Variants in GLP2R observed in about 807,000 individuals in gnomAD.
GLP2R encodes the protein glucagon-like peptide 2 receptor.
GLP2R carries 59 observed loss-of-function variants against 68.2 expected under a neutral mutation model. The ratio of observed to expected loss-of-function variants is 0.87; its 90% CI spans 0.70 to 1.07. GLP2R has a LOEUF of 1.07. GLP2R is among the 50% of genes least tolerant of loss of function. The pLI is 0.00. For synonymous variants in GLP2R, 270 were observed against 265.4 expected, an observed-to-expected ratio of 1.02 and a Z score of -0.17; for missense variants, 548 against 677.4, an observed-to-expected ratio of 0.81 and a Z score of 2.12.
chr17:9,847,530 A>G (rs1339175122), intron 4 of GLP2R, among the ~76,000 whole-genome samples: 1 of 152,078 alleles, frequency 6.6e-6, no homozygotes, highest in Non-Finnish European at 1.5e-5. Context: ...AGCCTCCCAA[A>G]GTGCTGGGAT....
chr17:9,832,408 A>G (rs1481570674), intron 1 of GLP2R, among the ~76,000 whole-genome samples: 1 of 152,142 alleles, frequency 6.6e-6, no homozygotes, highest in Non-Finnish European at 1.5e-5. Context: ...CCCTGTCTCT[A>G]CTAAAAATAC....
chr17:9,872,132 A>G (rs2067100514), intron 10 of GLP2R, among the ~76,000 whole-genome samples: 1 of 152,274 alleles, frequency 6.6e-6, no homozygotes, highest in African/African-American at 2.4e-5. Flanking sequence ...ACAGGAAGGC[A>G]GAAGAGGTGG....
intron 9 of GLP2R, among the ~76,000 whole-genome samples, chr17:9,864,493 T>A (rs572915771): frequency 9.8e-5 from 9 of 92,078 alleles, no homozygotes; most frequent in Non-Finnish European, 2.8e-4. Flanking sequence ...TTTTTTTGTT[T>A]GTTTGTTTGT....
intron 12 of GLP2R, among the ~76,000 whole-genome samples, chr17:9,888,530 G>A (rs1442789320): frequency 1.3e-5 from 2 of 152,178 alleles, no homozygotes; most frequent in Non-Finnish European, 2.9e-5. Context: ...GCAGTGGCAT[G>A]ATACCAGCTC....
At chr17:9,861,897 G>T (rs1009186137) in intron 8 of GLP2R, 124 bp from the exon 9 acceptor site, 1 of 742,948 alleles carries the variant, frequency 1.3e-6, no homozygotes, top group Non-Finnish European at 2.5e-6. Flanking sequence ...ACCCCTCAGG[G>T]GACTGATTGG....
At chr17:9,836,312 A>G (rs1597377113) in intron 2 of GLP2R, 59 bp from the exon 3 acceptor site, 1 of 1,148,656 alleles carries the variant, frequency 8.7e-7, no homozygotes, top group Non-Finnish European at 1.3e-6. Context: ...CTCTGCCTCC[A>G]TCAGTGGCAT....
At chr17:9,880,802 CT>C (rs1402711773) in intron 11 of GLP2R, among the ~76,000 whole-genome samples, 5 of 152,068 alleles carry the variant, frequency 3.3e-5, no homozygotes, top group Non-Finnish European at 5.9e-5. Context: ...AATGTGAAGC[CT>C]TTTATTAAGT....
At chr17:9,832,883 G>GA (rs2066693204) in intron 1 of GLP2R, among the ~76,000 whole-genome samples, 1 of 152,134 alleles carries the variant, frequency 6.6e-6, no homozygotes, top group Non-Finnish European at 1.5e-5. Flanking sequence ...CGTTAGAAAG[G>GA]AAAAAACTCC....
rs780388943 is a variant in GLP2R, at chr17:9,889,623, G to A, written c.1580G>A (p.Gly527Asp). ...PQQDHARWPR[G>D]SSLSECSEGD... is the part of the protein sequence containing the mutation. Reference sequence around the variant, plus strand: ...CAGGACCATGCACGCTGGCCCCGGGGCAGCAGCCTGTCCGAGTGCAGTGAG... The same window carrying A: ...CAGGACCATGCACGCTGGCCCCGGGACAGCAGCCTGTCCGAGTGCAGTGAG... The change falls in exon 13 of 13, where the codon GGC becomes GAC. Residue 527 changes from glycine to aspartate, a missense_variant. Physicochemically the swap from Gly to Asp is moderately conservative, Grantham distance 94. Coordinates refer to ENST00000262441, the MANE Select transcript of GLP2R (RefSeq NM_004246.3). 8 of 1,613,190 alleles carry A rather than the reference G, an allele frequency of 5.0e-6. No homozygotes were observed. The Admixed American group carries it at 8.3e-5, about 17-fold the overall frequency.
intron 1 of GLP2R, among the ~76,000 whole-genome samples, chr17:9,830,456 G>A (rs1481428169): frequency 2.0e-5 from 3 of 152,168 alleles, no homozygotes; most frequent in Admixed American, 1.3e-4. Flanking sequence ...TAAACAATAT[G>A]TTAATAACTT....
intron 9 of GLP2R, among the ~76,000 whole-genome samples, chr17:9,868,760 G>C (rs1348700513): frequency 1.3e-5 from 2 of 152,150 alleles, no homozygotes; most frequent in Non-Finnish European, 2.9e-5. Context: ...AAGACACAGA[G>C]AACAGTGAAT....
At position 9,862,083 on chromosome 17, in the gene GLP2R, G is replaced by A. The variant is rs2066992430; in HGVS notation, c.1049G>A (p.Cys350Tyr). Residue 350 changes from cysteine (C) to tyrosine (Y), a missense_variant, in exon 9 of 13, where the codon TGT becomes TAT. Cys to Tyr is a radical substitution (Grantham distance 194, BLOSUM62 -2). Coordinates refer to ENST00000262441, the MANE Select transcript of GLP2R (RefSeq NM_004246.3). ...WWIIRGPMML[C>Y]VTVNFFIFLK... is the part of the protein sequence containing the mutation. ...ATCATCCGAGGACCCATGATGCTCT[G>A]TGTAACAGTAAGGACCATCCCATCC... 1 of 1,611,668 alleles carries A rather than the reference G, an allele frequency of 6.2e-7. No homozygotes were observed. Among genetic ancestry groups the A allele is most frequent in the Admixed American group, 1.7e-5 (1 of 60,010 alleles).
intron 3 of GLP2R, among the ~76,000 whole-genome samples, chr17:9,839,274 GGC>G (rs2066761960): frequency 6.6e-6 from 1 of 152,108 alleles, no homozygotes; most frequent in Admixed American, 6.5e-5. Flanking sequence ...AGGGCAAGAG[GGC>G]AGAGAGAAGG....
At position 9,886,957 on chromosome 17, in the gene GLP2R, C is replaced by T. The variant is rs577134434; in HGVS notation, c.1285-975C>T. On this transcript the variant is annotated intron_variant, in intron 11 of 12. Transcript: ENST00000262441. The stretch of plus-strand genomic sequence containing the variant: ...ATCCAGTTCCAATATATCAGACACA[C>T]TGCCCAAATTCCACAGACCCTTACA... 2.6e-5 allele frequency among the ~76,000 whole-genome samples: 4 copies of T among 152,202 alleles called. No homozygotes were observed. The South Asian group carries it at 6.2e-4, about 24-fold the overall frequency.
At chr17:9,829,687 C>T (rs1359456168) in intron 1 of GLP2R, among the ~76,000 whole-genome samples, 3 of 151,970 alleles carry the variant, frequency 2.0e-5, no homozygotes, top group Non-Finnish European at 2.9e-5. Flanking sequence ...AGATTATTCC[C>T]TTTGAAGTCA....
At chr17:9,889,247 C>T in intron 12 of GLP2R, 123 bp from the exon 13 acceptor site, 1 of 633,628 alleles carries the variant, frequency 1.6e-6, no homozygotes, top group Non-Finnish European at 2.8e-6. Flanking sequence ...CTCCTTGTCT[C>T]CCCCAGTTAA....
intron 6 of GLP2R, 75 bp from the exon 7 acceptor site, chr17:9,859,867 G>A: frequency 1.0e-6 from 1 of 959,048 alleles, no homozygotes; most frequent in Non-Finnish European, 1.5e-6. Flanking sequence ...TTGTCTCTGG[G>A]AGGCCCTTCT....
In GLP2R at chr17:9,889,709, G is replaced by T; in HGVS notation, c.*4G>T. On this transcript the variant is annotated 3_prime_UTR_variant, in exon 13 of 13. Coordinates refer to ENST00000262441, the MANE Select transcript of GLP2R (RefSeq NM_004246.3). ...TCTGGAAGAGAGTGAGATCTAGGGT[G>T]GAGTTCCACCACCCTGGCTCTGCTC... 6.6e-7 allele frequency: 1 copy of T among 1,526,110 alleles called. No homozygotes were observed. The highest frequency in any genetic ancestry group is 1.2e-5 in the South Asian group (1 of 82,358). 94.5% of individuals were successfully genotyped at this position (1,526,110 alleles called of 1,614,324 possible).
At chr17:9,843,538 C>T (rs925021389) in intron 4 of GLP2R, among the ~76,000 whole-genome samples, 2 of 152,188 alleles carry the variant, frequency 1.3e-5, no homozygotes, top group Admixed American at 1.3e-4. Context: ...GTAACTGGTC[C>T]GCAAGTCCCC....
Sources: allele counts gnomAD v4.1 joint callset (sites outside exome capture counted in the v4.1 genomes callset), GRCh38; gene constraint gnomAD v4.1.1; transcripts MANE v1.5; gene names NCBI Gene and HGNC (gene_info 2026-07-23, HGNC 2026-07-21).